Variants in CPED1 observed in about 807,000 individuals in gnomAD.
CPED1 encodes cadherin-like and PC-esterase domain-containing protein 1.
Under a neutral mutation model 128.2 loss-of-function variants are expected in CPED1, and 114 were observed. The ratio of observed to expected loss-of-function variants is 0.89; its 90% confidence interval spans 0.76 to 1.04. The LOEUF (loss-of-function observed/expected upper bound fraction) is 1.04, where lower values mean the gene tolerates loss of function less well. Among genes scored for constraint, CPED1 ranks in the 50% least tolerant of loss-of-function variants. The pLI, the probability that CPED1 is intolerant of heterozygous loss-of-function variation, is 0.00. For missense variants in CPED1, 1,211 were observed against 1,207.1 expected (o/e 1.00, Z -0.05); for synonymous variants, 462 against 426.7 (o/e 1.08, Z -1.02).
chr7:120,998,477 C>A (rs1453952466), intron 2 of CPED1, among the ~76,000 whole-genome samples: 1 of 152,046 alleles, frequency 6.6e-6, no homozygotes, highest in South Asian at 2.1e-4. Context: ...AAGTGTCTGG[C>A]AGATAGAAAG....
rs149599536 is a variant in CPED1 at position 121,205,133 on chromosome 7, T to G, written c.2056-31581T>G. ...TAAGCCTGTTGATAGGTATAGTAAT[T>G]ATAATTTTTATTGATTTTGAAGAAT... is the stretch of plus-strand genomic sequence containing the variant. On this transcript the variant is annotated intron_variant, in intron 16 of 22. Transcript: ENST00000310396. 3.0e-3 allele frequency among the ~76,000 whole-genome samples: 451 copies of G among 152,228 alleles called. 2 individuals are homozygous for G. The highest frequency in any genetic ancestry group is 0.01 in the African/African-American group (431 of 41,552).
chr7:121,167,725 A>ATTTTTTTT, intron 16 of CPED1, among the ~76,000 whole-genome samples: 1 of 99,246 alleles, frequency 1.0e-5, no homozygotes, highest in Non-Finnish European at 2.0e-5. Context: ...TTTAAAGTCT[A>ATTTTTTTT]TTTTTTTTTT....
chr7:120,989,789 C>G lies in CPED1; in HGVS notation c.168C>G (p.Thr56=), dbSNP rs911542448. ...CTGTCCCACACACATCCACTGAAAC[C>G]CAGGCAAGCAGATGCAAGAAAGGAT... The part of the protein sequence containing the change: ...PGAVPHTSTE[T]QASRCKKGFS... Residue 56 remains threonine, a synonymous_variant, in exon 2 of 23, where the codon ACC becomes ACG. Coordinates refer to ENST00000310396, the MANE Select transcript of CPED1 (RefSeq NM_024913.5). 4 of 1,613,878 alleles carry G rather than the reference C, an allele frequency of 2.5e-6. No individual in the cohort carries two copies. In the African/African-American group the frequency reaches 5.3e-5, roughly 22 times the overall value.
At chr7:121,108,164 A>G (rs1029932718) in intron 7 of CPED1, among the ~76,000 whole-genome samples, 5 of 152,094 alleles carry the variant, frequency 3.3e-5, no homozygotes, top group African/African-American at 1.2e-4. Flanking sequence ...TGGCAAGAGG[A>G]AAAAAGGCAA....
intron 4 of CPED1, among the ~76,000 whole-genome samples, chr7:121,062,214 C>G (rs1289339009): frequency 6.6e-6 from 1 of 152,182 alleles, no homozygotes; most frequent in South Asian, 2.1e-4. Context: ...TGCTGATTCT[C>G]TTTCTGAATC....
At chr7:121,286,023 A>C (rs991992741) in intron 22 of CPED1, among the ~76,000 whole-genome samples, 1 of 152,216 alleles carries the variant, frequency 6.6e-6, no homozygotes, top group Non-Finnish European at 1.5e-5. Flanking sequence ...ATTGACTCAC[A>C]GTTCAGCATG....
At chr7:121,007,175 C>T (rs1390126195) in intron 2 of CPED1, among the ~76,000 whole-genome samples, 2 of 151,874 alleles carry the variant, frequency 1.3e-5, no homozygotes, top group Non-Finnish European at 2.9e-5. Flanking sequence ...GAAGCTATAC[C>T]CAGCATGATT....
intron 18 of CPED1, among the ~76,000 whole-genome samples, chr7:121,260,046 A>G (rs1372041824): frequency 6.6e-6 from 1 of 151,962 alleles, no homozygotes; most frequent in Non-Finnish European, 1.5e-5. Flanking sequence ...TCAGTCAGAT[A>G]TAAGGAAAGA....
intron 16 of CPED1, among the ~76,000 whole-genome samples, chr7:121,193,566 G>A (rs556414222): frequency 6.6e-6 from 1 of 152,158 alleles, no homozygotes; most frequent in African/African-American, 2.4e-5. Context: ...GCAATGGCAT[G>A]ATATGCTCCA....
At chr7:121,213,487 G>GATAA (rs1797692481) in intron 16 of CPED1, among the ~76,000 whole-genome samples, 1 of 151,976 alleles carries the variant, frequency 6.6e-6, no homozygotes, top group Non-Finnish European at 1.5e-5. Context: ...TTAAGAGTTA[G>GATAA]GTGTACCTTA....
intron 16 of CPED1, among the ~76,000 whole-genome samples, chr7:121,157,858 AC>A (rs1366678709): frequency 6.6e-6 from 1 of 152,214 alleles, no homozygotes; most frequent in Non-Finnish European, 1.5e-5. Context: ...TTGCCAGTTC[AC>A]TGACAATTTA....
At chr7:121,071,605 T>A (rs1310371988) in intron 5 of CPED1, among the ~76,000 whole-genome samples, 4 of 152,014 alleles carry the variant, frequency 2.6e-5, no homozygotes, top group Non-Finnish European at 5.9e-5. Context: ...GGCCTTAAAT[T>A]CCTGGGTTCA....
chr7:121,272,498 T>A lies in CPED1; in HGVS notation c.2868+1068T>A, dbSNP rs555227717. ...AATACCTCTCCTCCAAGTAGATTCC[T>A]TTTTTGGCTCCTTGGTATCCAACTG... On this transcript the variant is annotated intron_variant, in intron 22 of 22. Transcript: ENST00000310396. Among the ~76,000 whole-genome samples, 147 of 152,136 alleles carry A rather than the reference T, an allele frequency of 9.7e-4. 1 individual carries two copies. Among genetic ancestry groups the A allele is most frequent in the African/African-American group, 3.4e-3 (141 of 41,530 alleles).
At chr7:121,198,350 T>C (rs771243728) in intron 16 of CPED1, among the ~76,000 whole-genome samples, 17 of 152,152 alleles carry the variant, frequency 1.1e-4, no homozygotes, top group African/African-American at 4.1e-4. Flanking sequence ...TAAAAGCTCA[T>C]TTTTATGGTT....
intron 2 of CPED1, among the ~76,000 whole-genome samples, chr7:121,010,407 C>A (rs1176067905): frequency 6.6e-6 from 1 of 152,096 alleles, no homozygotes; most frequent in East Asian, 1.9e-4. Flanking sequence ...CACCACCATG[C>A]CCAGCTATTT....
intron 4 of CPED1, among the ~76,000 whole-genome samples, chr7:121,047,708 TCTTC>T (rs1793246726): frequency 1.9e-5 from 2 of 104,818 alleles, no homozygotes; most frequent in Non-Finnish European, 3.8e-5. Context: ...TTCTTCTTCT[TCTTC>T]TTCTTTTTTT....
At chr7:121,260,904 A>AT (rs1018686266) in intron 18 of CPED1, among the ~76,000 whole-genome samples, 2 of 151,748 alleles carry the variant, frequency 1.3e-5, no homozygotes, top group East Asian at 1.9e-4. Context: ...AATGATTTTA[A>AT]TTTTTTTTCT....
intron 16 of CPED1, among the ~76,000 whole-genome samples, chr7:121,142,907 T>G (rs1315458252): frequency 1.3e-5 from 2 of 151,962 alleles, no homozygotes; most frequent in Non-Finnish European, 2.9e-5. Flanking sequence ...TCACATTATA[T>G]ATTACTGGGA....
intron 16 of CPED1, among the ~76,000 whole-genome samples, chr7:121,224,866 T>A (rs1240126007): frequency 6.7e-6 from 1 of 148,880 alleles, no homozygotes; most frequent in Non-Finnish European, 1.5e-5. Flanking sequence ...CCTATGTGTA[T>A]CTCTGCATGT....
Sources: allele counts gnomAD v4.1 joint callset (sites outside exome capture counted in the v4.1 genomes callset), GRCh38; gene constraint gnomAD v4.1.1; transcripts MANE v1.5; gene names NCBI Gene and HGNC (gene_info 2026-07-23, HGNC 2026-07-21).